CHD6: variants seen among roughly 807,000 people sequenced by gnomAD.
The protein encoded by CHD6 is chromodomain helicase DNA binding protein 6.
CHD6 carries 50 observed loss-of-function variants against 276.9 expected under a neutral mutation model. The ratio of observed to expected loss-of-function variants is 0.18; its 90% CI spans 0.14 to 0.23. The LOEUF (loss-of-function observed/expected upper bound fraction) is 0.23. Among genes scored for constraint, CHD6 ranks in the 10% least tolerant of loss-of-function variants. The pLI is 1.00. For synonymous variants in CHD6, 1,173 were observed against 1,229.3 expected, an observed-to-expected ratio of 0.95 and a Z score of 0.96; for missense variants, 2,564 against 3,365.8, an observed-to-expected ratio of 0.76 and a Z score of 5.89.
chr20:41,512,984 C>CGAG lies in CHD6; in HGVS notation c.711_713dup (p.Ser238dup). On this transcript the variant is annotated inframe_insertion, in exon 5 of 37. Transcript: ENST00000373233. ...ATTTTCTGCGCTTTACTTGCCTTCC[C>CGAG]GAGCGTCGTTTCTGTAGGGCAAACA... The CGAG allele has an allele frequency of 6.2e-7, 1 of 1,614,002 alleles. No individual in the cohort carries two copies. The highest frequency in any genetic ancestry group is 8.5e-7 in the Non-Finnish European group (1 of 1,179,914).
chr20:41,437,099 A>G, intron 27 of CHD6, 175 bp downstream of exon 27: 1 of 570,194 alleles, frequency 1.8e-6, no homozygotes, highest in South Asian at 2.5e-5. Context: ...AAGTTTAATT[A>G]GAATAAAAAT....
chr20:41,593,308 G>A (rs911448653), intron 1 of CHD6, among the ~76,000 whole-genome samples: 7 of 151,932 alleles, frequency 4.6e-5, no homozygotes, highest in Non-Finnish European at 5.9e-5. Context: ...ATGCTCACAT[G>A]GCCTTTACAC....
intron 5 of CHD6, among the ~76,000 whole-genome samples, chr20:41,509,954 A>C (rs900580446): frequency 6.6e-6 from 1 of 152,168 alleles, no homozygotes; most frequent in Non-Finnish European, 1.5e-5. Context: ...CTTGGTAACC[A>C]ATCCTGAGGT....
rs2043094846 is a variant in CHD6, at chr20:41,473,191, G to A, written c.2664+131C>T. ...CATTCAGTTTCACCCCCTGACCAAG[G>A]CCCTAAGCCTGTCATCCAGCTGACA... On this transcript the variant is annotated intron_variant, in intron 17 of 36. Transcript: ENST00000373233. This position sits in a 1 kb window ranked among gnomAD's most constrained non-coding sequence, Gnocchi z 4.1. The A allele has an allele frequency of 1.3e-6, 1 of 756,216 alleles. No individual in the cohort carries two copies. Among genetic ancestry groups the A allele is most frequent in the African/African-American group, 1.8e-5 (1 of 57,002 alleles). 46.8% of individuals were successfully genotyped at this position (756,216 alleles called of 1,614,324 possible). A position where few individuals can be genotyped will look rare whatever the true frequency, so the allele number is the denominator to read the frequency against.
At chr20:41,406,615 T>G (rs1218197007) in intron 36 of CHD6, among the ~76,000 whole-genome samples, 1 of 152,182 alleles carries the variant, frequency 6.6e-6, no homozygotes, top group East Asian at 1.9e-4. Flanking sequence ...AACAAACCAC[T>G]GCAATTACGA....
intron 1 of CHD6, among the ~76,000 whole-genome samples, chr20:41,559,830 C>T (rs1373218043): frequency 2.6e-5 from 4 of 151,926 alleles, no homozygotes; most frequent in Non-Finnish European, 4.4e-5. Flanking sequence ...ACAAAGAACC[C>T]CACAACTCTT....
chr20:41,564,009 A>T (rs763955602), intron 1 of CHD6: 1 of 774,730 alleles, frequency 1.3e-6, no homozygotes, highest in Middle Eastern at 2.3e-4. Flanking sequence ...GAACAGCAGT[A>T]CCTGTAGACT....
At position 41,452,837 on chromosome 20, in the gene CHD6, C is replaced by T; in HGVS notation, c.3226G>A (p.Asp1076Asn). ...MEFSELDSDS[D>N]ERPTRSRRLN... ...CGCCTGGATCTCGTGGGCCTTTCGT[C>T]TGAGTCGCTGTCTAACTCTGAAAAC... Residue 1076 changes from aspartate (D) to asparagine (N), a missense_variant, in exon 21 of 37, where the codon GAC (aspartate) becomes AAC (asparagine). By Grantham distance (23) the Asp-to-Asn change is conservative. Coordinates refer to ENST00000373233, the MANE Select transcript of CHD6 (RefSeq NM_032221.5). The surrounding 1 kb of genome is among the most constrained non-coding windows in gnomAD (Gnocchi z 4.2). 6.8e-6 allele frequency: 11 copies of T among 1,613,528 alleles called. No homozygotes were observed. Among genetic ancestry groups the T allele is most frequent in the Non-Finnish European group, 9.3e-6 (11 of 1,179,926 alleles).
At chr20:41,498,089 G>A (rs771164599) in intron 7 of CHD6, 79 bp downstream of exon 7, 7 of 981,142 alleles carry the variant, frequency 7.1e-6, no homozygotes, top group Non-Finnish European at 9.7e-6. Context: ...TGAAGATGTA[G>A]AAGATAATAA....
In CHD6 at chr20:41,404,733, C is replaced by G; in HGVS notation, c.8008G>C (p.Glu2670Gln). 1 of 1,603,712 alleles carries G rather than the reference C, an allele frequency of 6.2e-7. No homozygotes were observed. The highest frequency in any genetic ancestry group is 8.5e-7 in the Non-Finnish European group (1 of 1,174,606). Residue 2670 changes from glutamate to glutamine, a missense_variant, in exon 37 of 37, where the codon GAG becomes CAG. Glu to Gln is a conservative substitution (Grantham distance 29). Transcript: ENST00000373233. ...TCCCTTTCACAGCTGGGAGCAGGCT[C>G]TGGGTGGGAGTTGGGGTTGTCCCCC... is the stretch of plus-strand genomic sequence containing the variant. ...TKGDNPNSHP[E>Q]PAPSCEREPS...
At chr20:41,498,446 C>T (rs55864269) in intron 6 of CHD6, among the ~76,000 whole-genome samples, 5,781 of 152,230 alleles carry the variant, frequency 0.038, 126 homozygotes, top group Middle Eastern at 0.071. Flanking sequence ...TGATGTCCTT[C>T]CAAGGTCTAG....
chr20:41,445,312 G>A (rs143842346), intron 25 of CHD6, among the ~76,000 whole-genome samples: 14 of 152,172 alleles, frequency 9.2e-5, no homozygotes, highest in African/African-American at 2.7e-4. Flanking sequence ...AGCATTTCCC[G>A]CCATTTATTT....
At chr20:41,617,895 CCCCCG>C (rs1324286922) in intron 1 of CHD6, among the ~76,000 whole-genome samples, 1 of 148,664 alleles carries the variant, frequency 6.7e-6, no homozygotes, top group Admixed American at 6.6e-5. Flanking sequence ...ATAGCGGTCA[CCCCCG>C]CCCCGCCCCA....
intron 2 of CHD6, 72 bp from the exon 3 acceptor site, chr20:41,533,642 G>C: frequency 7.5e-7 from 1 of 1,325,328 alleles, no homozygotes; most frequent in Non-Finnish European, 1.0e-6. Flanking sequence ...TACCCAGTTT[G>C]AATACATGGA....
chr20:41,445,825 G>GT, intron 24 of CHD6, 57 bp from the exon 25 acceptor site: 15 of 1,063,992 alleles, frequency 1.4e-5, no homozygotes, highest in Non-Finnish European at 2.2e-5. Context: ...TCCAACCCTG[G>GT]TATTAGGCCA....
intron 5 of CHD6, among the ~76,000 whole-genome samples, chr20:41,509,702 G>C (rs1264232162): frequency 6.6e-6 from 1 of 152,160 alleles, no homozygotes; most frequent in Non-Finnish European, 1.5e-5. Context: ...AACTGAGACA[G>C]GCTTGTCAAC....
At chr20:41,533,982 T>G (rs2044759636) in intron 2 of CHD6, among the ~76,000 whole-genome samples, 1 of 152,208 alleles carries the variant, frequency 6.6e-6, no homozygotes, top group Non-Finnish European at 1.5e-5. Flanking sequence ...GCTCAAGGCA[T>G]CCCTAAAATG....
chr20:41,411,300 A>C (rs1003867054), intron 36 of CHD6, among the ~76,000 whole-genome samples: 1 of 151,886 alleles, frequency 6.6e-6, no homozygotes, highest in Non-Finnish European at 1.5e-5. Flanking sequence ...GGTCTTTTGG[A>C]GCTATAAAAA....
intron 3 of CHD6, 116 bp from the exon 4 acceptor site, chr20:41,515,068 T>C (rs1417634621): frequency 3.9e-6 from 4 of 1,017,228 alleles, no homozygotes; most frequent in East Asian, 2.4e-5. Flanking sequence ...CAGGCTTTAA[T>C]GGGGAATCTA....
Sources: allele counts gnomAD v4.1 joint callset (sites outside exome capture counted in the v4.1 genomes callset), GRCh38; gene constraint gnomAD v4.1.1; non-coding constraint Gnocchi (gnomAD v3.1); transcripts MANE v1.5; gene names NCBI Gene and HGNC (gene_info 2026-07-23, HGNC 2026-07-21).